Variants in HPSE2 observed in about 807,000 individuals in gnomAD.
HPSE2 encodes the protein heparanase 2 (inactive).
A neutral mutation model predicts 60.5 loss-of-function variants in HPSE2; 38 were observed. That is an observed-to-expected ratio of 0.63 (90% CI 0.48 to 0.82). HPSE2 has a LOEUF of 0.82. HPSE2 is among the 40% of genes least tolerant of loss of function. The pLI, the probability that HPSE2 is intolerant of heterozygous loss-of-function variation, is 0.00. For synonymous variants in HPSE2, 295 were observed against 293.2 expected (o/e 1.01, Z -0.06); for missense variants, 713 against 740.4 (o/e 0.96, Z 0.43).
intron 3 of HPSE2, among the ~76,000 whole-genome samples, chr10:98,851,224 G>T (rs886825897): frequency 2.6e-5 from 4 of 152,162 alleles, no homozygotes; most frequent in African/African-American, 9.7e-5. Context: ...TCTCCAAAAG[G>T]TCTTGAAGAC....
At chr10:98,798,700 C>T (rs1488875661) in intron 3 of HPSE2, among the ~76,000 whole-genome samples, 5 of 152,084 alleles carry the variant, frequency 3.3e-5, no homozygotes. Flanking sequence ...TTGCAAGCCT[C>T]ATTGTAACCT....
At chr10:99,145,034 G>A (rs1045840201) in intron 2 of HPSE2, among the ~76,000 whole-genome samples, 8 of 152,176 alleles carry the variant, frequency 5.3e-5, no homozygotes, top group African/African-American at 1.9e-4. Context: ...AGCACAGGAG[G>A]TCTAGAGTCA....
At chr10:99,048,367 A>G (rs1957908499) in intron 3 of HPSE2, 3 of 171,530 alleles carry the variant, frequency 1.7e-5, no homozygotes, top group African/African-American at 2.5e-5. Context: ...TCTCAAACTG[A>G]AAAAAAAAAA....
chr10:99,183,074 G>T (rs2133836385), intron 2 of HPSE2, among the ~76,000 whole-genome samples: 1 of 152,206 alleles, frequency 6.6e-6, no homozygotes, highest in African/African-American at 2.4e-5. Flanking sequence ...AAACAAATAA[G>T]GTGAGCCCTA....
At chr10:98,594,432 A>G (rs1338561593) in intron 9 of HPSE2, among the ~76,000 whole-genome samples, 3 of 152,144 alleles carry the variant, frequency 2.0e-5, no homozygotes, top group Admixed American at 2.0e-4. Flanking sequence ...ATCTGAATAA[A>G]TTTATTAGTT....
chr10:98,465,430 C>T (rs1307436966), intron 11 of HPSE2, among the ~76,000 whole-genome samples: 6 of 152,206 alleles, frequency 3.9e-5, no homozygotes, highest in Non-Finnish European at 7.3e-5. Context: ...TTTGCACTGA[C>T]GCCCTTAACC....
At chr10:98,667,708 C>T (rs1476631196) in intron 6 of HPSE2, among the ~76,000 whole-genome samples, 1 of 152,080 alleles carries the variant, frequency 6.6e-6, no homozygotes, top group Admixed American at 6.6e-5. Flanking sequence ...GCAGAACAAG[C>T]CTTCAATAAA....
At chr10:98,733,481 T>C (rs1949277379) in intron 4 of HPSE2, among the ~76,000 whole-genome samples, 1 of 152,146 alleles carries the variant, frequency 6.6e-6, no homozygotes, top group Non-Finnish European at 1.5e-5. Flanking sequence ...CTAAACATAA[T>C]TTAAAAAGTA....
intron 6 of HPSE2, among the ~76,000 whole-genome samples, chr10:98,686,568 AT>A (rs1197444737): frequency 2.6e-5 from 4 of 151,954 alleles, no homozygotes; most frequent in Non-Finnish European, 4.4e-5. Flanking sequence ...TGCCCAGCAA[AT>A]TTTTTAAAAT....
At chr10:98,528,262 C>T (rs149652061) in intron 9 of HPSE2, among the ~76,000 whole-genome samples, 309 of 152,228 alleles carry the variant, frequency 2.0e-3, no homozygotes, top group Middle Eastern at 3.4e-3. Context: ...CAGCCAGAGC[C>T]ACTCATCACT....
chr10:98,575,333 G>C (rs1251414758), intron 9 of HPSE2, among the ~76,000 whole-genome samples: 1 of 152,042 alleles, frequency 6.6e-6, no homozygotes, highest in Non-Finnish European at 1.5e-5. Flanking sequence ...GCACCACATG[G>C]CCGTGATGAT....
chr10:99,312,621 C>T, the HPSE2 span, among the ~76,000 whole-genome samples: 417 of 152,248 alleles, frequency 2.7e-3, 2 homozygotes, highest in African/African-American at 9.8e-3. Flanking sequence ...ACCTGGTTAC[C>T]CAAGAGCTCT....
chr10:98,911,317 G>A (rs888240035), intron 3 of HPSE2, among the ~76,000 whole-genome samples: 1 of 152,180 alleles, frequency 6.6e-6, no homozygotes, highest in African/African-American at 2.4e-5. Flanking sequence ...GGGGTTCACA[G>A]GCTTCTGAGG....
At chr10:98,600,911 GTATATATATATATATA>G (rs71007402) in intron 9 of HPSE2, among the ~76,000 whole-genome samples, 2 of 73,702 alleles carry the variant, frequency 2.7e-5, no homozygotes, top group African/African-American at 3.7e-5. Context: ...ATGTGTGTGT[GTATATATATATATATA>G]TATATATATA....
intron 3 of HPSE2, among the ~76,000 whole-genome samples, chr10:98,778,274 G>GAGAGAGAGAGAGAGAGAA (rs1021230642): frequency 4.0e-5 from 6 of 149,742 alleles, no homozygotes; most frequent in African/African-American, 1.5e-4. Flanking sequence ...CAGAGAGAGA[G>GAGAGAGAGAGAGAGAGAA]AGAGAGAGAG....
At chr10:98,801,424 G>C (rs764787007) in intron 3 of HPSE2, among the ~76,000 whole-genome samples, 9 of 152,204 alleles carry the variant, frequency 5.9e-5, no homozygotes, top group Non-Finnish European at 8.8e-5. Context: ...AAATTTCCTT[G>C]TTTGCAGATT....
intron 3 of HPSE2, among the ~76,000 whole-genome samples, chr10:98,989,713 G>A (rs1216020750): frequency 6.6e-6 from 1 of 152,038 alleles, no homozygotes; most frequent in Non-Finnish European, 1.5e-5. Context: ...GTCTCCATGT[G>A]GCGAAGCAGT....
intron 9 of HPSE2, among the ~76,000 whole-genome samples, chr10:98,493,725 T>C (rs1941736580): frequency 6.6e-6 from 1 of 152,206 alleles, no homozygotes; most frequent in African/African-American, 2.4e-5. Flanking sequence ...TGGATCCTGT[T>C]TTTCTTTTAA....
At chr10:99,115,429 C>T (rs1368992186) in intron 3 of HPSE2, among the ~76,000 whole-genome samples, 4 of 151,980 alleles carry the variant, frequency 2.6e-5, no homozygotes. Flanking sequence ...GCTGGGATTA[C>T]AGGTGTGAGC....
Sources: gnomAD v4.1 joint callset for allele counts (sites outside exome capture counted in the v4.1 genomes callset) on GRCh38, gnomAD v4.1.1 for gene constraint, MANE v1.5 for transcripts, NCBI Gene and HGNC (gene_info 2026-07-23, HGNC 2026-07-21) for gene names.